The following CADPS2 variants were observed in gnomAD, a reference collection of about 807,000 sequenced individuals.
CADPS2 encodes calcium dependent secretion activator 2.
In CADPS2, 93 loss-of-function variants were observed where a neutral mutation model predicts 172.5. The observed-to-expected ratio is 0.54, with a 90% CI of 0.46 to 0.64. CADPS2 has a LOEUF of 0.64. Among genes scored for constraint, CADPS2 ranks in the 30% least tolerant of loss-of-function variants. CADPS2 has a pLI of 0.00. For missense variants in CADPS2, 1,420 were observed against 1,565.9 expected (o/e 0.91, Z 1.57); for synonymous variants, 546 against 555.2 (o/e 0.98, Z 0.23).
chr7:122,571,058 GAA>G (rs1309057662), intron 7 of CADPS2, among the ~76,000 whole-genome samples: 1 of 151,750 alleles, frequency 6.6e-6, no homozygotes, highest in Non-Finnish European at 1.5e-5. Flanking sequence ...TTAAAAAAGA[GAA>G]TAACAGGACA....
In CADPS2 at chr7:122,541,816, C is replaced by CAT. The variant is rs370028127; in HGVS notation, c.1475+12732_1475+12733dup. Among the ~76,000 whole-genome samples, 474 of 73,906 alleles carry CAT rather than the reference C, an allele frequency of 6.4e-3. 9 individuals are homozygous for CAT. Among genetic ancestry groups the CAT allele is most frequent in the African/African-American group, 0.021 (332 of 16,104 alleles). The allele number at this position is 73,906 out of a possible 152,430, so 48.5% of individuals were successfully genotyped here. A position where few individuals can be genotyped will look rare whatever the true frequency, so the allele number is the denominator to read the frequency against. ...ATATATTCATATATATTTATATATTCATATGTTTATATATTCATATGTTTA... is the reference window on the plus strand; with the variant it reads ...ATATATTCATATATATTTATATATTCATATATGTTTATATATTCATATGTTTA... On this transcript the variant is annotated intron_variant, in intron 8 of 29. Transcript: ENST00000449022.
intron 2 of CADPS2, chr7:122,676,583 TCA>T: frequency 1.0e-6 from 1 of 953,402 alleles, no homozygotes; most frequent in Non-Finnish European, 1.6e-6. Context: ...AATATCCACT[TCA>T]CACAGCATGA....
intron 1 of CADPS2, among the ~76,000 whole-genome samples, chr7:122,874,861 T>A (rs1297051946): frequency 6.6e-6 from 1 of 152,058 alleles, no homozygotes; most frequent in African/African-American, 2.4e-5. Context: ...CCCTTCCTTA[T>A]ACCTTATACA....
chr7:122,857,202 G>A (rs1815506623), intron 1 of CADPS2, among the ~76,000 whole-genome samples: 2 of 152,170 alleles, frequency 1.3e-5, no homozygotes, highest in South Asian at 4.1e-4. Context: ...AAACGATAAT[G>A]ATAAGGATGA....
At chr7:122,487,008 T>C (rs112915548) in intron 11 of CADPS2, among the ~76,000 whole-genome samples, 5,405 of 143,174 alleles carry the variant, frequency 0.038, 147 homozygotes, top group African/African-American at 0.062. Context: ...AGTATAAACA[T>C]AACTTTTTTT....
intron 1 of CADPS2, among the ~76,000 whole-genome samples, chr7:122,777,507 G>C (rs895517024): frequency 1.3e-5 from 2 of 152,162 alleles, no homozygotes; most frequent in African/African-American, 4.8e-5. Flanking sequence ...GCTACAAGGT[G>C]ACTGATACAG....
chr7:122,752,131 T>A (rs2092978565), intron 1 of CADPS2, among the ~76,000 whole-genome samples: 1 of 152,152 alleles, frequency 6.6e-6, no homozygotes, highest in Non-Finnish European at 1.5e-5. Context: ...ATAAATAGAA[T>A]AGAAAAACTT....
intron 8 of CADPS2, among the ~76,000 whole-genome samples, chr7:122,551,976 G>A (rs1246081278): frequency 6.6e-6 from 1 of 152,030 alleles, no homozygotes; most frequent in Non-Finnish European, 1.5e-5. Context: ...CTATGCTGTA[G>A]GTGAAATGTT....
chr7:122,391,950 G>A (rs913786081), intron 22 of CADPS2, among the ~76,000 whole-genome samples: 1 of 152,060 alleles, frequency 6.6e-6, no homozygotes, highest in Non-Finnish European at 1.5e-5. Context: ...GAGATATTGG[G>A]TAAGTTTGGT....
intron 25 of CADPS2, among the ~76,000 whole-genome samples, chr7:122,373,521 G>A (rs188626159): frequency 2.7e-4 from 41 of 152,196 alleles, no homozygotes; most frequent in Admixed American, 2.1e-3. Context: ...CCTGCCCAAA[G>A]GCCCTAACAG....
At chr7:122,792,134 T>C (rs1035575120) in intron 1 of CADPS2, among the ~76,000 whole-genome samples, 2 of 152,196 alleles carry the variant, frequency 1.3e-5, no homozygotes, top group Non-Finnish European at 2.9e-5. Context: ...AAACAGAGGA[T>C]ACCACAGTTA....
chr7:122,837,765 T>G (rs182558822), intron 1 of CADPS2, among the ~76,000 whole-genome samples: 62 of 152,160 alleles, frequency 4.1e-4, no homozygotes, highest in Admixed American at 2.6e-3. Context: ...AATAACAGGC[T>G]CTGAAATTGA....
At chr7:122,642,208 A>C (rs2077729580) in intron 3 of CADPS2, among the ~76,000 whole-genome samples, 1 of 150,260 alleles carries the variant, frequency 6.7e-6, no homozygotes, top group African/African-American at 2.4e-5. Context: ...TGAACCCAGG[A>C]GGCAGAGGTT....
chr7:122,614,112 A>G (rs1390582052), intron 6 of CADPS2, among the ~76,000 whole-genome samples: 2 of 151,964 alleles, frequency 1.3e-5, no homozygotes, highest in African/African-American at 4.8e-5. Flanking sequence ...GAATGGGTGG[A>G]TAAGTGTATG....
chr7:122,762,039 C>T (rs1470300026), intron 1 of CADPS2, among the ~76,000 whole-genome samples: 3 of 145,140 alleles, frequency 2.1e-5, no homozygotes, highest in Admixed American at 6.9e-5. Context: ...TACACACACA[C>T]ACACACACAC....
chr7:122,560,123 T>C (rs560107339), intron 7 of CADPS2, among the ~76,000 whole-genome samples: 30 of 152,104 alleles, frequency 2.0e-4, no homozygotes, highest in South Asian at 1.0e-3. Flanking sequence ...GTTTGAGGAA[T>C]AGAATAAGAC....
chr7:122,682,715 A>C (rs986090989), intron 2 of CADPS2, among the ~76,000 whole-genome samples: 3 of 152,228 alleles, frequency 2.0e-5, no homozygotes, highest in East Asian at 3.8e-4. Flanking sequence ...GAAATAATGT[A>C]ACAAAACTGA....
In CADPS2 at chr7:122,749,869, A is replaced by G. The variant is rs74403681; in HGVS notation, c.340-12801T>C. ...AGGGTGACATAAATACATGCTTCAG[A>G]TTTTTAATTCTAAAAGCAATTCTGA... On this transcript the variant is annotated intron_variant, in intron 1 of 29. Transcript: ENST00000449022. Among the ~76,000 whole-genome samples the G allele has an allele frequency of 6.4e-3, 969 of 151,962 alleles. 11 individuals carry two copies. The highest frequency in any genetic ancestry group is 0.022 in the African/African-American group (926 of 41,486).
chr7:122,474,329 A>T lies in CADPS2; in HGVS notation c.1998+52T>A. The stretch of plus-strand genomic sequence containing the variant: ...AATCTTTTATTCCAACTTATAGGGG[A>T]TCTAAAATCTTTTATTCCAACTTAT... On this transcript the variant is annotated intron_variant, in intron 13 of 29. Transcript: ENST00000449022. 9 of 1,539,784 alleles carry T rather than the reference A, an allele frequency of 5.8e-6. No individual in the cohort carries two copies. In the South Asian group the frequency reaches 1.1e-4, roughly 18 times the overall value.
Sources: gnomAD v4.1 joint callset for allele counts (sites outside exome capture counted in the v4.1 genomes callset) on GRCh38, gnomAD v4.1.1 for gene constraint, MANE v1.5 for transcripts, NCBI Gene and HGNC (gene_info 2026-07-23, HGNC 2026-07-21) for gene names.